DPYSL3: variants seen among roughly 807,000 people sequenced by gnomAD.
DPYSL3 encodes dihydropyrimidinase like 3, also known as dihydropyrimidinase-related protein 3.
Under a neutral mutation model 66.1 loss-of-function variants are expected in DPYSL3, and 16 were observed. That is an observed-to-expected ratio of 0.24 (90% CI 0.16 to 0.37). The LOEUF (loss-of-function observed/expected upper bound fraction) is 0.37. Ranked by LOEUF, DPYSL3 falls within the 10% of genes least tolerant of loss-of-function variation. The pLI, the probability that DPYSL3 is intolerant of heterozygous loss-of-function variation, is 1.00. For synonymous variants in DPYSL3, 338 were observed against 345.1 expected, an observed-to-expected ratio of 0.98 and a Z score of 0.23; for missense variants, 738 against 916.2, an observed-to-expected ratio of 0.81 and a Z score of 2.51.
In DPYSL3 at chr5:147,454,688, G is replaced by A. The variant is rs573562221; in HGVS notation, c.382-29725C>T. Among the ~76,000 whole-genome samples, 5 of 152,192 alleles carry A rather than the reference G, an allele frequency of 3.3e-5. No homozygotes were observed. The South Asian group carries it at 8.3e-4, about 25-fold the overall frequency. On this transcript the variant is annotated intron_variant, in intron 1 of 13. Transcript: ENST00000343218. Reference sequence around the variant, plus strand: ...ACTGCTATTGCTCCCCATCAGTAATGAACCACGTGCACTGCTCACAATCCC... The same window carrying A: ...ACTGCTATTGCTCCCCATCAGTAATAAACCACGTGCACTGCTCACAATCCC...
intron 8 of DPYSL3, among the ~76,000 whole-genome samples, chr5:147,403,879 G>T (rs965420401): frequency 6.6e-6 from 1 of 152,068 alleles, no homozygotes; most frequent in Admixed American, 6.5e-5. Flanking sequence ...AGTTCTGCTC[G>T]CCAGAGAATT....
intron 1 of DPYSL3, among the ~76,000 whole-genome samples, chr5:147,475,219 T>A (rs556619045): frequency 6.6e-5 from 10 of 152,034 alleles, no homozygotes; most frequent in Non-Finnish European, 1.2e-4. Context: ...CAAAAATTGG[T>A]GATATCTGAA....
chr5:147,460,726 C>T lies in DPYSL3; in HGVS notation c.382-35763G>A, dbSNP rs1185186966. Among the ~76,000 whole-genome samples, 34 of 152,198 alleles carry T rather than the reference C, an allele frequency of 2.2e-4. 1 individual carries two copies. Among genetic ancestry groups the T allele is most frequent in the Admixed American group, 6.5e-5 (1 of 15,288 alleles). On this transcript the variant is annotated intron_variant, in intron 1 of 13. Coordinates refer to ENST00000343218, the MANE Select transcript of DPYSL3 (RefSeq NM_001197294.2). ...AATGTAGGCAGCTCTGATAACACTT[C>T]GAATTTAGCCCCATAGACACAATTT...
In DPYSL3 at chr5:147,509,027, G is replaced by A. The variant is rs953799889; in HGVS notation, c.381+451C>T. ...AGTACTTTCATCCGGGCACTATGGA[G>A]ATGACCCCCATATTCCCAGCATCAC... is the stretch of plus-strand genomic sequence containing the variant. On this transcript the variant is annotated intron_variant, in intron 1 of 13. Coordinates refer to ENST00000343218, the MANE Select transcript of DPYSL3 (RefSeq NM_001197294.2). This position sits in a 1 kb window ranked among gnomAD's most constrained non-coding sequence, Gnocchi z 5.3. Among the ~76,000 whole-genome samples, 1 of 152,182 alleles carries A rather than the reference G, an allele frequency of 6.6e-6. No homozygotes were observed. The highest frequency in any genetic ancestry group is 1.5e-5 in the Non-Finnish European group (1 of 68,030).
intron 1 of DPYSL3, among the ~76,000 whole-genome samples, chr5:147,505,984 T>G (rs1753680187): frequency 6.6e-6 from 1 of 152,194 alleles, no homozygotes; most frequent in South Asian, 2.1e-4. Context: ...CCACTTATTA[T>G]TTATGTGATT....
At chr5:147,508,481 G>T (rs1053143203) in intron 1 of DPYSL3, among the ~76,000 whole-genome samples, 1 of 152,262 alleles carries the variant, frequency 6.6e-6, no homozygotes, top group East Asian at 1.9e-4. Flanking sequence ...CTAGACAAGG[G>T]TGAGGGCATC....
In DPYSL3 at chr5:147,399,279, A is replaced by G. The variant is rs200380584; in HGVS notation, c.1453-27T>C. The G allele has an allele frequency of 1.9e-5, 31 of 1,608,948 alleles. No individual in the cohort carries two copies. In the East Asian group the frequency reaches 6.0e-4, roughly 31 times the overall value. On this transcript the variant is annotated intron_variant, in intron 10 of 13. Transcript: ENST00000343218. Reference sequence around the variant, plus strand: ...TATTGAAATATAAGAAATTATATCTATATCTATAGCTACATATATATCAAT... The same window carrying G: ...TATTGAAATATAAGAAATTATATCTGTATCTATAGCTACATATATATCAAT...
At chr5:147,453,710 G>GCCGCCTCCGC (rs983175559) in intron 1 of DPYSL3, 459 of 1,327,832 alleles carry the variant, frequency 3.5e-4, no homozygotes, top group Middle Eastern at 1.4e-3. Flanking sequence ...TGGCCGCGCC[G>GCCGCCTCCGC]CCGCCTCCGC....
At chr5:147,404,780 C>T (rs1475242299) in intron 8 of DPYSL3, among the ~76,000 whole-genome samples, 1 of 152,206 alleles carries the variant, frequency 6.6e-6, no homozygotes, top group African/African-American at 2.4e-5. Context: ...GGGACACAGC[C>T]AGGGTCATGA....
intron 1 of DPYSL3, among the ~76,000 whole-genome samples, chr5:147,461,874 T>C: frequency 6.6e-6 from 1 of 152,282 alleles, no homozygotes; most frequent in East Asian, 1.9e-4. Context: ...GTTGGTTTCT[T>C]AGTCTCTGGG....
intron 1 of DPYSL3, among the ~76,000 whole-genome samples, chr5:147,448,786 C>A (rs2278381): frequency 0.042 from 6,417 of 152,284 alleles, 288 homozygotes; most frequent in East Asian, 0.17. Flanking sequence ...AGGGCTCTTT[C>A]TATACCTGAG....
intron 1 of DPYSL3, among the ~76,000 whole-genome samples, chr5:147,469,809 G>A (rs1561798849): frequency 1.3e-5 from 2 of 152,192 alleles, no homozygotes; most frequent in Non-Finnish European, 2.9e-5. Context: ...CTTAGCCTCA[G>A]TATCATACAT....
chr5:147,439,592 T>G (rs1752492910), intron 1 of DPYSL3, among the ~76,000 whole-genome samples: 1 of 152,108 alleles, frequency 6.6e-6, no homozygotes, highest in South Asian at 2.1e-4. Flanking sequence ...TTGGTTTGAT[T>G]TACATTTTTA....
chr5:147,474,335 G>T (rs937163840), intron 1 of DPYSL3, among the ~76,000 whole-genome samples: 1 of 151,976 alleles, frequency 6.6e-6, no homozygotes, highest in Non-Finnish European at 1.5e-5. Flanking sequence ...ACTGCTAAGA[G>T]GAAAATGTCT....
chr5:147,424,648 G>T (rs1752161780), intron 2 of DPYSL3, among the ~76,000 whole-genome samples: 1 of 152,142 alleles, frequency 6.6e-6, no homozygotes, highest in African/African-American at 2.4e-5. Context: ...TGTAATTTGT[G>T]CACATTTTCC....
intron 1 of DPYSL3, among the ~76,000 whole-genome samples, chr5:147,504,216 C>T (rs953428168): frequency 5.3e-5 from 8 of 152,350 alleles, no homozygotes; most frequent in Admixed American, 2.0e-4. Context: ...AGTGTTCTGG[C>T]TGCCTTAAAC....
At chr5:147,499,958 A>C (rs536287854) in intron 1 of DPYSL3, among the ~76,000 whole-genome samples, 27 of 152,356 alleles carry the variant, frequency 1.8e-4, no homozygotes, top group African/African-American at 6.3e-4. Context: ...TATTTCCAAC[A>C]AATAGTATTA....
intron 1 of DPYSL3, among the ~76,000 whole-genome samples, chr5:147,448,622 A>G (rs1752671401): frequency 6.6e-6 from 1 of 152,196 alleles, no homozygotes; most frequent in South Asian, 2.1e-4. Context: ...CATGGCCACT[A>G]TTTGAGCCTC....
In DPYSL3 at chr5:147,418,032, G is replaced by A. The variant is rs182016019; in HGVS notation, c.655+415C>T. Among the ~76,000 whole-genome samples the A allele has an allele frequency of 2.2e-3, 339 of 152,250 alleles. 2 individuals carry two copies. The highest frequency in any genetic ancestry group is 7.8e-3 in the African/African-American group (323 of 41,524). On this transcript the variant is annotated intron_variant, in intron 3 of 13. Transcript: ENST00000343218. ...GTAATTCTCCATAATCCCTCTCTCCGTGATACTCCTTAGCTCCATTCACGC... is the reference window on the plus strand; with the variant it reads ...GTAATTCTCCATAATCCCTCTCTCCATGATACTCCTTAGCTCCATTCACGC...
Sources: gnomAD v4.1 joint callset for allele counts (sites outside exome capture counted in the v4.1 genomes callset) on GRCh38, gnomAD v4.1.1 for gene constraint, Gnocchi (gnomAD v3.1) non-coding constraint, MANE v1.5 for transcripts, NCBI Gene and HGNC (gene_info 2026-07-23, HGNC 2026-07-21) for gene names.